NACC2: variants seen among roughly 807,000 people sequenced by gnomAD.
The protein encoded by NACC2 is NACC family member 2, also known as nucleus accumbens-associated protein 2.
In NACC2, 8 loss-of-function variants were observed where a neutral mutation model predicts 25.1. The observed-to-expected ratio is 0.32, with a 90% CI of 0.19 to 0.57. The LOEUF (loss-of-function observed/expected upper bound fraction) is 0.57. Among genes scored for constraint, NACC2 ranks in the 20% least tolerant of loss-of-function variants. The probability of loss-of-function intolerance (pLI) is 0.89; values close to 1 mark genes in which losing one functional copy is unlikely to be tolerated. For missense variants in NACC2, 644 were observed against 650.2 expected, an observed-to-expected ratio of 0.99 and a Z score of 0.10; for synonymous variants, 435 against 294.7, an observed-to-expected ratio of 1.48 and a Z score of -4.88.
intron 1 of NACC2, among the ~76,000 whole-genome samples, chr9:136,094,105 T>C (rs1830461770): frequency 6.6e-6 from 1 of 152,144 alleles, no homozygotes. Context: ...CCGGGCTGCC[T>C]TGGGCACCCC....
At chr9:136,045,732 A>AC (rs1318323567) in intron 2 of NACC2, among the ~76,000 whole-genome samples, 1 of 151,398 alleles carries the variant, frequency 6.6e-6, no homozygotes, top group East Asian at 1.9e-4. Flanking sequence ...GACAACGGCC[A>AC]CCCCCACTCA....
chr9:136,051,033 A>AGGAG (rs1004306406), intron 1 of NACC2, among the ~76,000 whole-genome samples: 2 of 152,264 alleles, frequency 1.3e-5, no homozygotes, highest in East Asian at 1.9e-4. Context: ...GCAGCGGGGA[A>AGGAG]GGAGGGAGGG....
intron 1 of NACC2, among the ~76,000 whole-genome samples, chr9:136,087,949 G>A (rs118111405): frequency 0.013 from 1,787 of 139,990 alleles, 19 homozygotes; most frequent in Middle Eastern, 0.022. Flanking sequence ...GGACTCTGCT[G>A]GGAAGTTCCG....
intron 2 of NACC2, among the ~76,000 whole-genome samples, chr9:136,047,712 C>T (rs1840751422): frequency 6.6e-6 from 1 of 152,200 alleles, no homozygotes; most frequent in South Asian, 2.1e-4. Context: ...ACCCAACACA[C>T]ATCCGGGACT....
At chr9:136,030,935 A>C (rs1840463619) in intron 2 of NACC2, among the ~76,000 whole-genome samples, 1 of 152,110 alleles carries the variant, frequency 6.6e-6, no homozygotes, top group Non-Finnish European at 1.5e-5. Context: ...TGCTGGGATT[A>C]CAGGAGTGAA....
At chr9:136,085,460 T>C (rs1458581459) in intron 1 of NACC2, among the ~76,000 whole-genome samples, 9 of 151,720 alleles carry the variant, frequency 5.9e-5, no homozygotes, top group African/African-American at 1.9e-4. Flanking sequence ...GAGGCTGCGA[T>C]TGCACCACTG....
chr9:136,019,170 T>A lies in NACC2; in HGVS notation c.887-2741A>T, dbSNP rs1840248472. 1 of 152,242 alleles carries A rather than the reference T, an allele frequency of 6.6e-6. No homozygotes were observed. Among genetic ancestry groups the A allele is most frequent in the Non-Finnish European group, 1.5e-5 (1 of 68,072 alleles). The allele number at this position is 152,242 out of a possible 1,614,324, so 9.4% of individuals were successfully genotyped here. A position where few individuals can be genotyped will look rare whatever the true frequency, so the allele number is the denominator to read the frequency against. On this transcript the variant is annotated intron_variant, in intron 2 of 5. Transcript: ENST00000277554. This position sits in a 1 kb window ranked among gnomAD's most constrained non-coding sequence, Gnocchi z 5.2. ...CACCTCCCCGGCCCCCAGCTCACCCTCTGCAGGAGCTGAGCTTCAAGGTCC... is the reference window on the plus strand; with the variant it reads ...CACCTCCCCGGCCCCCAGCTCACCCACTGCAGGAGCTGAGCTTCAAGGTCC...
At position 136,011,814 on chromosome 9, in the gene NACC2, T is replaced by C; in HGVS notation, c.1466A>G (p.Gln489Arg). The change falls in exon 6 of 6, where the codon CAG becomes CGG. Residue 489 changes from glutamine to arginine, a missense_variant. Coordinates refer to ENST00000277554, the MANE Select transcript of NACC2 (RefSeq NM_144653.5). Reference sequence around the variant, plus strand: ...GGCGTAGATGCGTTGCTCGAACACCTGTGCCGCGGCAGGCGGGAACTCGGG... The same window carrying C: ...GGCGTAGATGCGTTGCTCGAACACCCGTGCCGCGGCAGGCGGGAACTCGGG... ...LDPEFPPAAA[Q>R]VFEQRIYAER... 6.3e-7 allele frequency: 1 copy of C among 1,577,848 alleles called. No homozygotes were observed. Among genetic ancestry groups the C allele is most frequent in the Non-Finnish European group, 8.6e-7 (1 of 1,163,794 alleles).
At chr9:136,081,994 C>T (rs542521321) in intron 1 of NACC2, among the ~76,000 whole-genome samples, 53 of 152,294 alleles carry the variant, frequency 3.5e-4, no homozygotes, top group Non-Finnish European at 6.9e-4. Context: ...AGCCAGGCTG[C>T]AGCAAAGGCC....
At chr9:136,043,554 C>A (rs1840677718) in intron 2 of NACC2, among the ~76,000 whole-genome samples, 1 of 152,234 alleles carries the variant, frequency 6.6e-6, no homozygotes, top group Non-Finnish European at 1.5e-5. Flanking sequence ...TGCGTTCAAC[C>A]ACATGACGAA....
intron 1 of NACC2, among the ~76,000 whole-genome samples, chr9:136,070,146 C>T (rs1368263698): frequency 2.0e-5 from 3 of 151,814 alleles, no homozygotes; most frequent in African/African-American, 7.3e-5. Flanking sequence ...ACAAAGGTAA[C>T]AGGGAAATCT....
Position 136,019,979 on chromosome 9 carries a change from G to A in NACC2, c.887-3550C>T, listed in dbSNP as rs1350491073. On this transcript the variant is annotated intron_variant, in intron 2 of 5. Coordinates refer to ENST00000277554, the MANE Select transcript of NACC2 (RefSeq NM_144653.5). This position sits in a 1 kb window ranked among gnomAD's most constrained non-coding sequence, Gnocchi z 5.2. ...AGGTCCACAGAGGCGGGAAACAGAG[G>A]GTGGGTGCCGGGGCTGGGTGGGGGA... 1.3e-5 allele frequency among the ~76,000 whole-genome samples: 2 copies of A among 152,012 alleles called. No individual in the cohort carries two copies. Among genetic ancestry groups the A allele is most frequent in the Non-Finnish European group, 2.9e-5 (2 of 68,020 alleles).
chr9:136,027,719 C>A (rs1047773852), intron 2 of NACC2, among the ~76,000 whole-genome samples: 1 of 152,212 alleles, frequency 6.6e-6, no homozygotes, highest in South Asian at 2.1e-4. Context: ...TTAGGCAGTG[C>A]TGATCAGGAA....
chr9:136,025,313 C>T (rs943444867), intron 2 of NACC2, among the ~76,000 whole-genome samples: 1 of 152,174 alleles, frequency 6.6e-6, no homozygotes, highest in African/African-American at 2.4e-5. Flanking sequence ...GACTCCTCAC[C>T]TGTTTTCACA....
chr9:136,061,102 G>A (rs1206340782), intron 1 of NACC2, among the ~76,000 whole-genome samples: 4 of 152,166 alleles, frequency 2.6e-5, no homozygotes, highest in Admixed American at 6.5e-5. Flanking sequence ...ACAATGCCAG[G>A]TAAGGGGTTC....
intron 1 of NACC2, among the ~76,000 whole-genome samples, chr9:136,077,199 C>T (rs1300593409): frequency 1.5e-5 from 2 of 130,730 alleles, no homozygotes; most frequent in Non-Finnish European, 3.3e-5. Context: ...GGCGTGGTGG[C>T]GGGCGCCTGT....
chr9:136,050,119 T>A lies in NACC2; in HGVS notation c.403A>T (p.Ile135Phe). ...SPHCDSQTAV[I>F]EDAGSEPQSP... ...TGGGGCTCGGAGCCGGCGTCCTCGA[T>A]CACAGCGGTCTGCGAGTCGCAGTGG... Residue 135 changes from isoleucine to phenylalanine, a missense_variant, in exon 2 of 6, where the codon ATC becomes TTC. Transcript: ENST00000277554. The A allele has an allele frequency of 1.3e-6, 1 of 761,126 alleles. No individual in the cohort carries two copies. Among genetic ancestry groups the A allele is most frequent in the Non-Finnish European group, 2.4e-6 (1 of 412,106 alleles). The allele number at this position is 761,126 out of a possible 1,614,324, so 47.1% of individuals were successfully genotyped here.
intron 2 of NACC2, among the ~76,000 whole-genome samples, chr9:136,017,578 C>T (rs1840222376): frequency 6.6e-6 from 1 of 151,994 alleles, no homozygotes; most frequent in African/African-American, 2.4e-5. Flanking sequence ...GGGGTCCTCA[C>T]AAGCCCAGCA....
At chr9:136,074,562 T>C (rs765426041) in intron 1 of NACC2, among the ~76,000 whole-genome samples, 27 of 151,064 alleles carry the variant, frequency 1.8e-4, no homozygotes, top group Non-Finnish European at 3.4e-4. Flanking sequence ...AAATTATGTA[T>C]CATCCCTTCA....
Sources: gnomAD v4.1 joint callset for allele counts (sites outside exome capture counted in the v4.1 genomes callset) on GRCh38, gnomAD v4.1.1 for gene constraint, Gnocchi (gnomAD v3.1) non-coding constraint, MANE v1.5 for transcripts, NCBI Gene and HGNC (gene_info 2026-07-23, HGNC 2026-07-21) for gene names.